The following TDRD12 variants were observed in gnomAD, a reference collection of about 807,000 sequenced individuals.
TDRD12 encodes tudor domain containing 12, also known as putative ATP-dependent RNA helicase TDRD12.
In TDRD12, 158 loss-of-function variants were observed where a neutral mutation model predicts 133.5. The ratio of observed to expected loss-of-function variants is 1.18; its 90% confidence interval spans 1.04 to 1.35. The LOEUF (loss-of-function observed/expected upper bound fraction) is 1.35. Ranked by LOEUF, TDRD12 falls within the 40% of genes most tolerant of loss-of-function variation. TDRD12 has a pLI of 0.00. For missense variants in TDRD12, 1,443 were observed against 1,321.3 expected (o/e 1.09, Z -1.43); for synonymous variants, 460 against 477.9 (o/e 0.96, Z 0.49).
exon 10 of TDRD12, chr19:32,827,303 A>G: frequency 8.5e-7 from 1 of 1,177,546 alleles, no homozygotes; most frequent in Non-Finnish European, 1.1e-6. Context: ...TTGAACAAAA[A>G]TGGATATTGC....
In TDRD12 at chr19:32,810,049, A is replaced by C. The variant is rs947451212; in HGVS notation, c.2653-44A>C. 7 of 1,295,160 alleles carry C rather than the reference A, an allele frequency of 5.4e-6. No individual in the cohort carries two copies. In the Admixed American group the frequency reaches 1.5e-4, roughly 27 times the overall value. 80.2% of individuals were successfully genotyped at this position (1,295,160 alleles called of 1,614,324 possible). On this transcript the variant is annotated intron_variant, in intron 22 of 27. Transcript: ENST00000444215. ...CAGGGAATGTGTACATATCCGGTTT[A>C]GACTAAGTTTGTTTCTTGGTCATGT...
intron 7 of TDRD12, among the ~76,000 whole-genome samples, chr19:32,756,457 G>A (rs1461296147): frequency 2.0e-5 from 3 of 151,356 alleles, no homozygotes; most frequent in Admixed American, 6.6e-5. Flanking sequence ...GTGTGATCTC[G>A]GCTCACTGCA....
At chr19:32,742,290 G>A (rs960228760) in intron 3 of TDRD12, among the ~76,000 whole-genome samples, 1 of 151,958 alleles carries the variant, frequency 6.6e-6, no homozygotes, top group African/African-American at 2.4e-5. Flanking sequence ...CTGAGTAGCT[G>A]GGATTATAGG....
Position 32,810,061 on chromosome 19 carries a change from T to A in TDRD12, c.2653-32T>A, listed in dbSNP as rs565427945. Reference sequence around the variant, plus strand: ...ACATATCCGGTTTAGACTAAGTTTGTTTCTTGGTCATGTTTACTATATATG... The same window carrying A: ...ACATATCCGGTTTAGACTAAGTTTGATTCTTGGTCATGTTTACTATATATG... On this transcript the variant is annotated intron_variant, in intron 22 of 27. Coordinates refer to ENST00000444215, the Ensembl canonical transcript of TDRD12. 66 of 1,392,110 alleles carry A rather than the reference T, an allele frequency of 4.7e-5. No homozygotes were observed. In the African/African-American group the frequency reaches 9.2e-4, roughly 19 times the overall value. 86.2% of individuals were successfully genotyped at this position (1,392,110 alleles called of 1,614,324 possible).
At chr19:32,728,776 G>T (rs1385021184) in intron 1 of TDRD12, among the ~76,000 whole-genome samples, 1 of 149,096 alleles carries the variant, frequency 6.7e-6, no homozygotes, top group East Asian at 2.0e-4. Flanking sequence ...CCCCTGAGTA[G>T]CTGGGACTAC....
intron 25 of TDRD12, among the ~76,000 whole-genome samples, chr19:32,815,037 G>A (rs1028606188): frequency 6.6e-6 from 1 of 152,246 alleles, no homozygotes; most frequent in South Asian, 2.1e-4. Flanking sequence ...CCCAGAACAG[G>A]ATTCAGGTCC....
intron 11 of TDRD12, among the ~76,000 whole-genome samples, chr19:32,780,371 G>A (rs765775959): frequency 6.6e-6 from 1 of 152,226 alleles, no homozygotes; most frequent in African/African-American, 2.4e-5. Context: ...ACAGGCATGA[G>A]CCACTGCACC....
intron 4 of TDRD12, among the ~76,000 whole-genome samples, chr19:32,746,197 A>T (rs950669402): frequency 8.2e-6 from 1 of 121,978 alleles, no homozygotes; most frequent in Non-Finnish European, 1.7e-5. Context: ...AGACTGGCTG[A>T]TGTGGTTATT....
intron 1 of TDRD12, among the ~76,000 whole-genome samples, chr19:32,728,618 T>C (rs1968932535): frequency 6.6e-6 from 1 of 151,574 alleles, no homozygotes; most frequent in African/African-American, 2.4e-5. Context: ...TGTTAGCGAG[T>C]ATACCCCTTG....
intron 5 of TDRD12, 110 bp downstream of exon 5, chr19:32,748,641 C>T: frequency 9.3e-7 from 1 of 1,076,128 alleles, no homozygotes; most frequent in South Asian, 1.6e-5. Context: ...AACGGCCCTC[C>T]TCAGAGGAGT....
Position 32,739,749 on chromosome 19 carries a change from C to T in TDRD12, c.320+757C>T, listed in dbSNP as rs183244165. ...ATCTCCTGGGTGCTGTCTGCATCTCCTGGGTGCTCTCTGCATCTCCTGGTG... is the reference window on the plus strand; with the variant it reads ...ATCTCCTGGGTGCTGTCTGCATCTCTTGGGTGCTCTCTGCATCTCCTGGTG... On this transcript the variant is annotated intron_variant, in intron 3 of 27. Coordinates refer to ENST00000444215, the Ensembl canonical transcript of TDRD12. Among the ~76,000 whole-genome samples the T allele has an allele frequency of 9.2e-4, 133 of 144,102 alleles. 1 individual carries two copies. Among genetic ancestry groups the T allele is most frequent in the Middle Eastern group, 8.0e-3 (2 of 250 alleles). 94.5% of individuals were successfully genotyped at this position (144,102 alleles called of 152,430 possible).
At chr19:32,805,304 G>T (rs867619819) in intron 21 of TDRD12, among the ~76,000 whole-genome samples, 1 of 150,174 alleles carries the variant, frequency 6.7e-6, no homozygotes, top group African/African-American at 2.5e-5. Context: ...GATCGCTTGA[G>T]CCTGGGAAGT....
exon 26 of TDRD12, chr19:32,815,574 G>A (rs867302307): frequency 2.1e-5 from 33 of 1,536,100 alleles, no homozygotes; most frequent in South Asian, 7.1e-5. Flanking sequence ...AAAATTACGC[G>A]AAGATGCTAA....
chr19:32,739,579 T>G (rs1255908733), intron 3 of TDRD12, among the ~76,000 whole-genome samples: 1 of 145,842 alleles, frequency 6.9e-6, no homozygotes, highest in Non-Finnish European at 1.5e-5. Flanking sequence ...CTGGCTGCTG[T>G]CTGCATCTCC....
At chr19:32,793,163 G>A (rs1971119350) in intron 13 of TDRD12, among the ~76,000 whole-genome samples, 1 of 150,144 alleles carries the variant, frequency 6.7e-6, no homozygotes, top group Non-Finnish European at 1.5e-5. Context: ...TCCAGCCTGG[G>A]CACAGAACGA....
At chr19:32,820,956 T>G in intron 27 of TDRD12, 77 bp from the exon 28 acceptor site, 1 of 1,224,592 alleles carries the variant, frequency 8.2e-7, no homozygotes, top group Non-Finnish European at 1.1e-6. Flanking sequence ...TTCACGGTCA[T>G]TTATTGCCTG....
intron 10 of TDRD12, among the ~76,000 whole-genome samples, chr19:32,776,673 T>C (rs1568471480): frequency 6.6e-6 from 1 of 152,124 alleles, no homozygotes; most frequent in Non-Finnish European, 1.5e-5. Flanking sequence ...GAATCTCTAG[T>C]TGTGATCAGC....
chr19:32,752,073 C>G (rs1376765088), intron 6 of TDRD12, among the ~76,000 whole-genome samples: 2 of 151,950 alleles, frequency 1.3e-5, no homozygotes, highest in Non-Finnish European at 2.9e-5. Context: ...GGGGTTTTAC[C>G]AAGTTGGCCA....
chr19:32,802,746 GTGGACGCCTGTATTGCATGTC>G (rs2145703573), exon 20 of TDRD12: 1 of 1,536,608 alleles, frequency 6.5e-7, no homozygotes. Flanking sequence ...AAAGTTTTTG[GTGGACGCCTGTATTGCATGTC>G]TGATCATTTT....
Sources: gnomAD v4.1 joint callset for allele counts (sites outside exome capture counted in the v4.1 genomes callset) on GRCh38, gnomAD v4.1.1 for gene constraint, MANE v1.5 for transcripts, NCBI Gene and HGNC (gene_info 2026-07-23, HGNC 2026-07-21) for gene names.